LARP1: variants seen among roughly 807,000 people sequenced by gnomAD.
The protein encoded by LARP1 is La ribonucleoprotein 1, translational regulator.
Under a neutral mutation model 122.7 loss-of-function variants are expected in LARP1, and 36 were observed. That is an observed-to-expected ratio of 0.29 (90% CI 0.22 to 0.39). LARP1 has a LOEUF of 0.39. Ranked by LOEUF, LARP1 falls within the 10% of genes least tolerant of loss-of-function variation. LARP1 has a pLI of 1.00. For synonymous variants in LARP1, 539 were observed against 528.7 expected (o/e 1.02, Z -0.27); for missense variants, 1,040 against 1,403.6 (o/e 0.74, Z 4.14).
chr5:154,799,522 C>G, intron 8 of LARP1, 69 bp from the exon 9 acceptor site: 2 of 1,557,288 alleles, frequency 1.3e-6, no homozygotes, highest in Non-Finnish European at 1.8e-6. Flanking sequence ...ACCCAGTTGT[C>G]TACCATTTCC....
At chr5:154,734,215 A>G (rs2113420835) in intron 1 of LARP1, among the ~76,000 whole-genome samples, 1 of 152,208 alleles carries the variant, frequency 6.6e-6, no homozygotes, top group East Asian at 1.9e-4. Flanking sequence ...TATGTGAGAT[A>G]ATTCATGACG....
At chr5:154,789,289 G>A (rs567068126) in intron 1 of LARP1, among the ~76,000 whole-genome samples, 63 of 132,136 alleles carry the variant, frequency 4.8e-4, no homozygotes, top group African/African-American at 1.8e-3. Flanking sequence ...ACGTTATCTC[G>A]GCTCACTGCA....
intron 1 of LARP1, among the ~76,000 whole-genome samples, chr5:154,730,699 C>T (rs2113400335): frequency 6.6e-6 from 1 of 151,976 alleles, no homozygotes; most frequent in South Asian, 2.1e-4. Flanking sequence ...GTCTCAAACT[C>T]CTGACCTTGT....
chr5:154,695,046 T>G (rs1198777283), intron 1 of LARP1, among the ~76,000 whole-genome samples: 1 of 150,730 alleles, frequency 6.6e-6, no homozygotes, highest in Admixed American at 6.6e-5. Context: ...CTGGGCACGG[T>G]GGCTCACGCC....
At chr5:154,808,401 C>G in intron 15 of LARP1, 58 bp from the exon 16 acceptor site, 2 of 1,574,678 alleles carry the variant, frequency 1.3e-6, no homozygotes, top group Non-Finnish European at 1.7e-6. Context: ...ATCCTTTCTC[C>G]CTGAAGCAAG....
At chr5:154,725,388 C>CAAAAA (rs34840033) in intron 1 of LARP1, among the ~76,000 whole-genome samples, 2 of 61,506 alleles carry the variant, frequency 3.3e-5, no homozygotes, top group East Asian at 3.8e-4. Flanking sequence ...GACTCTGTCT[C>CAAAAA]AAAAAAAAAA....
At chr5:154,697,018 C>T (rs1754497994) in intron 1 of LARP1, among the ~76,000 whole-genome samples, 1 of 152,104 alleles carries the variant, frequency 6.6e-6, no homozygotes, top group Non-Finnish European at 1.5e-5. Flanking sequence ...ATCTGATACG[C>T]ATTTGTTTCA....
At chr5:154,789,280 C>T (rs556515854) in intron 1 of LARP1, among the ~76,000 whole-genome samples, 6 of 132,418 alleles carry the variant, frequency 4.5e-5, no homozygotes, top group African/African-American at 1.2e-4. Context: ...AGTGCAATGA[C>T]GTTATCTCGG....
rs1456479706 is a variant in LARP1, at chr5:154,814,810, A to G, written c.*714A>G. The G allele has an allele frequency of 2.0e-5, 3 of 152,072 alleles. No individual in the cohort carries two copies. Among genetic ancestry groups the G allele is most frequent in the African/African-American group, 7.3e-5 (3 of 41,282 alleles). The allele number at this position is 152,072 out of a possible 1,614,324, so 9.4% of individuals were successfully genotyped here. ...GCTTTTACCAGGAAAGACTATTGAAAGATGTTTTATTTTATTTTTCTCTGA... is the reference window on the plus strand; with the variant it reads ...GCTTTTACCAGGAAAGACTATTGAAGGATGTTTTATTTTATTTTTCTCTGA... On this transcript the variant is annotated 3_prime_UTR_variant, in exon 19 of 19. Coordinates refer to ENST00000518297, the MANE Select transcript of LARP1 (RefSeq NM_033551.3).
At chr5:154,774,152 T>G (rs1755669806) in intron 1 of LARP1, among the ~76,000 whole-genome samples, 1 of 152,140 alleles carries the variant, frequency 6.6e-6, no homozygotes, top group East Asian at 1.9e-4. Context: ...GCTGCTGGCC[T>G]CCTCCGTCCC....
At chr5:154,715,593 G>GACTC (rs1467735369) in intron 1 of LARP1, among the ~76,000 whole-genome samples, 1 of 152,160 alleles carries the variant, frequency 6.6e-6, no homozygotes, top group African/African-American at 2.4e-5. Context: ...CACCAGGGAA[G>GACTC]ACTCCTAAAC....
chr5:154,789,587 A>G (rs1254841501), intron 1 of LARP1, among the ~76,000 whole-genome samples: 1 of 152,152 alleles, frequency 6.6e-6, no homozygotes, highest in African/African-American at 2.4e-5. Context: ...CTTTTTCATA[A>G]CTTTTCTAAA....
intron 1 of LARP1, among the ~76,000 whole-genome samples, chr5:154,774,753 T>C (rs1474531865): frequency 2.0e-5 from 3 of 152,176 alleles, no homozygotes; most frequent in Non-Finnish European, 4.4e-5. Context: ...GCCAGCTCTT[T>C]GGAGATCCTA....
upstream of LARP1, among the ~76,000 whole-genome samples, chr5:154,710,466 A>G (rs1403948843): frequency 6.6e-6 from 1 of 152,024 alleles, no homozygotes; most frequent in Non-Finnish European, 1.5e-5. Flanking sequence ...AATTTAGGCC[A>G]GACACGGTGG....
chr5:154,724,867 A>C lies in LARP1; in HGVS notation c.205+11737A>C, dbSNP rs987454344. The stretch of plus-strand genomic sequence containing the variant: ...TTTTGTGTATAGATGGGGTTTCGTC[A>C]TGTTGCCCAAGCTGGTCTCAAACTC... On this transcript the variant is annotated intron_variant, in intron 1 of 18. Transcript: ENST00000336314. Among the ~76,000 whole-genome samples, 4 of 152,182 alleles carry C rather than the reference A, an allele frequency of 2.6e-5. No individual in the cohort carries two copies. The East Asian group carries it at 7.8e-4, about 30-fold the overall frequency.
chr5:154,786,881 CTTT>C (rs111759565), intron 1 of LARP1, among the ~76,000 whole-genome samples: 4 of 141,630 alleles, frequency 2.8e-5, no homozygotes. Flanking sequence ...TGATTGTTTT[CTTT>C]TTTTTTTTTT....
In LARP1 at chr5:154,755,624, A is replaced by AC. The variant is rs1680843693; in HGVS notation, c.-130dup. 1.0e-6 allele frequency: 1 copy of AC among 986,864 alleles called. No individual in the cohort carries two copies. The highest frequency in any genetic ancestry group is 1.2e-6 in the Non-Finnish European group (1 of 829,910). 61.1% of individuals were successfully genotyped at this position (986,864 alleles called of 1,614,324 possible). On this transcript the variant is annotated 5_prime_UTR_variant, in exon 1 of 19. Coordinates refer to ENST00000518297, the MANE Select transcript of LARP1 (RefSeq NM_033551.3). ...TGGGAGGGGGCCGCACCTCGCGTGA[A>AC]CCCCGACCCTTCTCTGCAGGGACTG...
intron 1 of LARP1, chr5:154,786,396 C>A (rs939970900): frequency 4.4e-6 from 2 of 452,030 alleles, no homozygotes; most frequent in African/African-American, 4.0e-5. Context: ...CCCGGACCCC[C>A]TGGAACTAGA....
chr5:154,776,169 C>T (rs1043893063), intron 1 of LARP1, among the ~76,000 whole-genome samples: 6 of 152,106 alleles, frequency 3.9e-5, no homozygotes, highest in Admixed American at 3.3e-4. Context: ...TGTATAGAGA[C>T]AGAGCATTGG....
Sources: allele counts gnomAD v4.1 joint callset (sites outside exome capture counted in the v4.1 genomes callset), GRCh38; gene constraint gnomAD v4.1.1; transcripts MANE v1.5; gene names NCBI Gene and HGNC (gene_info 2026-07-23, HGNC 2026-07-21).